SIPA1L3: variants seen among roughly 807,000 people sequenced by gnomAD.
The protein encoded by SIPA1L3 is signal-induced proliferation-associated 1-like protein 3.
SIPA1L3 carries 59 observed loss-of-function variants against 150.1 expected under a neutral mutation model. The observed-to-expected ratio is 0.39, with a 90% confidence interval of 0.32 to 0.49. SIPA1L3 has a LOEUF of 0.49. Ranked by LOEUF, SIPA1L3 falls within the 20% of genes least tolerant of loss-of-function variation. SIPA1L3 has a pLI of 0.86. For synonymous variants in SIPA1L3, 1,070 were observed against 1,077.6 expected (o/e 0.99, Z 0.14); for missense variants, 2,211 against 2,489.5 (o/e 0.89, Z 2.38).
intron 7 of SIPA1L3, chr19:38,109,848 A>G (rs1013773824): frequency 1.5e-4 from 29 of 191,676 alleles, no homozygotes; most frequent in Non-Finnish European, 6.6e-5. Flanking sequence ...AGAAAAGCAA[A>G]GATCAGGGAG....
At chr19:37,921,077 T>C (rs2046453726) in intron 1 of SIPA1L3, among the ~76,000 whole-genome samples, 1 of 152,190 alleles carries the variant, frequency 6.6e-6, no homozygotes, top group Non-Finnish European at 1.5e-5. Flanking sequence ...GTCTTTGGTG[T>C]GCCCACAGCA....
intron 2 of SIPA1L3, among the ~76,000 whole-genome samples, chr19:38,039,483 C>T (rs1356162304): frequency 1.3e-5 from 2 of 151,684 alleles, no homozygotes; most frequent in Non-Finnish European, 2.9e-5. Context: ...CACTTGAGGC[C>T]AGAAGTTCGA....
At chr19:38,204,279 G>A (rs1973156651) in intron 21 of SIPA1L3, 71 bp downstream of exon 21, 12 of 1,324,186 alleles carry the variant, frequency 9.1e-6, no homozygotes, top group Non-Finnish European at 1.3e-5. Context: ...CAGGGATCAG[G>A]CACCTGCCCC....
chr19:38,038,588 C>CAAAAAAAA lies in SIPA1L3; in HGVS notation c.-311+9443_-311+9450dup. Among the ~76,000 whole-genome samples the CAAAAAAAA allele has an allele frequency of 1.6e-5, 2 of 121,796 alleles. 1 individual carries two copies. Among genetic ancestry groups the CAAAAAAAA allele is most frequent in the Non-Finnish European group, 3.4e-5 (2 of 59,578 alleles). The allele number at this position is 121,796 out of a possible 152,430, so 79.9% of individuals were successfully genotyped here. A position where few individuals can be genotyped will look rare whatever the true frequency, so the allele number is the denominator to read the frequency against. ...CCTGGGTGACAGCGAGACTCCGTCT[C>CAAAAAAAA]AAAAAAAAAAAAAAAAAAGTCATGT... On this transcript the variant is annotated intron_variant, in intron 2 of 21. Transcript: ENST00000222345.
intron 2 of SIPA1L3, among the ~76,000 whole-genome samples, chr19:38,057,064 G>A (rs533796341): frequency 6.0e-4 from 91 of 152,070 alleles, no homozygotes; most frequent in African/African-American, 2.0e-3. Flanking sequence ...TGAGGTCAGG[G>A]GTTCGAGACC....
At chr19:37,988,547 G>C (rs140271652) in intron 1 of SIPA1L3, among the ~76,000 whole-genome samples, 1 of 152,118 alleles carries the variant, frequency 6.6e-6, no homozygotes, top group East Asian at 1.9e-4. Flanking sequence ...ATGGTGGTGG[G>C]CACCTGTAAT....
At chr19:38,056,090 C>T (rs1969307958) in intron 2 of SIPA1L3, among the ~76,000 whole-genome samples, 1 of 152,238 alleles carries the variant, frequency 6.6e-6, no homozygotes, top group Non-Finnish European at 1.5e-5. Flanking sequence ...GCATCTGGCA[C>T]AGCGCCCAGC....
At chr19:38,139,348 G>A (rs1200342281) in intron 10 of SIPA1L3, among the ~76,000 whole-genome samples, 1 of 152,208 alleles carries the variant, frequency 6.6e-6, no homozygotes, top group Non-Finnish European at 1.5e-5. Flanking sequence ...GAGCCAGGAA[G>A]TGGGGTCAGC....
At chr19:37,943,602 C>T (rs1242335205) in intron 1 of SIPA1L3, among the ~76,000 whole-genome samples, 1 of 152,182 alleles carries the variant, frequency 6.6e-6, no homozygotes, top group Non-Finnish European at 1.5e-5. Context: ...ATAAGGTGTG[C>T]ATCTAGGCCC....
intron 4 of SIPA1L3, among the ~76,000 whole-genome samples, chr19:38,089,734 C>CA (rs1970219972): frequency 1.3e-5 from 2 of 152,360 alleles, no homozygotes; most frequent in African/African-American, 4.8e-5. Flanking sequence ...CCTGTTGGGG[C>CA]ACCCATGCTC....
intron 1 of SIPA1L3, among the ~76,000 whole-genome samples, chr19:37,923,357 A>G (rs1599797121): frequency 6.6e-6 from 1 of 152,196 alleles, no homozygotes; most frequent in African/African-American, 2.4e-5. Context: ...CCTAGGCGCT[A>G]TGGAGTAGGC....
chr19:38,163,489 C>CAA lies in SIPA1L3; in HGVS notation c.3781-969_3781-968dup, dbSNP rs34366358. 8.9e-3 allele frequency among the ~76,000 whole-genome samples: 453 copies of CAA among 50,626 alleles called. 17 individuals carry two copies. The highest frequency in any genetic ancestry group is 0.023 in the African/African-American group (305 of 13,458). The allele number at this position is 50,626 out of a possible 152,430, so 33.2% of individuals were successfully genotyped here. A position where few individuals can be genotyped will look rare whatever the true frequency, so the allele number is the denominator to read the frequency against. On this transcript the variant is annotated intron_variant, in intron 14 of 21. Transcript: ENST00000222345. ...TGAGCGACAGAGTGAGACTCTATCT[C>CAA]AAAAAAAAAAAAAAAAAAAAAACAG...
In SIPA1L3 at chr19:38,081,336, G is replaced by A. The variant is rs892513600; in HGVS notation, c.-230G>A. On this transcript the variant is annotated 5_prime_UTR_variant, in exon 3 of 22. Transcript: ENST00000222345. ...CCTGCTCTGCGCTACTGAGCCACTCGGTCTGGAGCCCCCAGGACAGCACCT... is the reference window on the plus strand; with the variant it reads ...CCTGCTCTGCGCTACTGAGCCACTCAGTCTGGAGCCCCCAGGACAGCACCT... 1.2e-5 allele frequency: 6 copies of A among 502,250 alleles called. No individual in the cohort carries two copies. Among genetic ancestry groups the A allele is most frequent in the African/African-American group, 5.7e-5 (3 of 52,612 alleles). 31.1% of individuals were successfully genotyped at this position (502,250 alleles called of 1,614,324 possible). A position where few individuals can be genotyped will look rare whatever the true frequency, so the allele number is the denominator to read the frequency against.
intron 20 of SIPA1L3, among the ~76,000 whole-genome samples, chr19:38,202,403 C>T (rs1322067740): frequency 2.0e-5 from 3 of 151,888 alleles, no homozygotes; most frequent in African/African-American, 7.3e-5. Context: ...GCCTGACCAA[C>T]ATGGTGAAAC....
At chr19:38,166,629 C>G (rs1972217652) in intron 15 of SIPA1L3, among the ~76,000 whole-genome samples, 1 of 152,022 alleles carries the variant, frequency 6.6e-6, no homozygotes, top group African/African-American at 2.4e-5. Flanking sequence ...TCCTTGGACC[C>G]CCTTAGGGTT....
chr19:38,084,576 A>C (rs1013216480), intron 3 of SIPA1L3, among the ~76,000 whole-genome samples: 2 of 145,346 alleles, frequency 1.4e-5, no homozygotes, highest in Non-Finnish European at 3.0e-5. Context: ...AAAAAGACGA[A>C]GTACTAGCAG....
chr19:38,159,732 A>G (rs1314591616), intron 13 of SIPA1L3, among the ~76,000 whole-genome samples: 5 of 152,198 alleles, frequency 3.3e-5, no homozygotes, highest in Non-Finnish European at 4.4e-5. Context: ...TTCCACATCT[A>G]TCGGAGATGC....
At chr19:38,183,430 G>A (rs774640276) in intron 16 of SIPA1L3, among the ~76,000 whole-genome samples, 2 of 152,210 alleles carry the variant, frequency 1.3e-5, no homozygotes, top group African/African-American at 4.8e-5. Context: ...CGGGCTTGCT[G>A]GCAGGGTGGA....
At chr19:37,914,920 A>G (rs1012684679) in intron 1 of SIPA1L3, among the ~76,000 whole-genome samples, 1 of 152,220 alleles carries the variant, frequency 6.6e-6, no homozygotes, top group Non-Finnish European at 1.5e-5. Context: ...AGTCCAGTGA[A>G]GTAATTAACT....
Sources: gnomAD v4.1 joint callset for allele counts (sites outside exome capture counted in the v4.1 genomes callset) on GRCh38, gnomAD v4.1.1 for gene constraint, MANE v1.5 for transcripts, NCBI Gene and HGNC (gene_info 2026-07-23, HGNC 2026-07-21) for gene names.